Variants in UBE2E1 observed in about 807,000 individuals in gnomAD.
UBE2E1 encodes the protein ubiquitin-conjugating enzyme E2 E1.
A neutral mutation model predicts 21.4 loss-of-function variants in UBE2E1; 6 were observed. That is an observed-to-expected ratio of 0.28 (90% CI 0.15 to 0.55). The LOEUF (loss-of-function observed/expected upper bound fraction) is 0.55, where lower values mean the gene tolerates loss of function less well. Ranked by LOEUF, UBE2E1 falls within the 20% of genes least tolerant of loss-of-function variation. The pLI, the probability that UBE2E1 is intolerant of heterozygous loss-of-function variation, is 0.93. For missense variants in UBE2E1, 142 were observed against 236.5 expected (o/e 0.60, Z 2.62); for synonymous variants, 87 against 82.7 (o/e 1.05, Z -0.28).
chr3:23,859,885 TTTA>T (rs1559487497), intron 3 of UBE2E1, among the ~76,000 whole-genome samples: 1 of 152,206 alleles, frequency 6.6e-6, no homozygotes. Flanking sequence ...TTTTTATTGG[TTTA>T]TTATATTATT....
intron 3 of UBE2E1, among the ~76,000 whole-genome samples, chr3:23,869,351 CTT>C (rs58059005): frequency 9.6e-5 from 11 of 114,594 alleles, no homozygotes; most frequent in African/African-American, 4.2e-4. Flanking sequence ...TTATGGTATC[CTT>C]TTTTTTTTTT....
intron 3 of UBE2E1, among the ~76,000 whole-genome samples, chr3:23,856,907 G>C (rs1451694669): frequency 6.6e-6 from 1 of 151,558 alleles, no homozygotes; most frequent in Non-Finnish European, 1.5e-5. Context: ...GCAAGCTGAG[G>C]CAGGAGGATC....
At chr3:23,868,393 C>A (rs955209476) in intron 3 of UBE2E1, among the ~76,000 whole-genome samples, 1 of 152,066 alleles carries the variant, frequency 6.6e-6, no homozygotes, top group African/African-American at 2.4e-5. Flanking sequence ...ACTGCAACCC[C>A]CACCTCCTGG....
intron 3 of UBE2E1, among the ~76,000 whole-genome samples, chr3:23,873,306 G>A (rs1352408571): frequency 3.9e-5 from 6 of 152,164 alleles, no homozygotes; most frequent in African/African-American, 1.2e-4. Flanking sequence ...TGATGTAAAT[G>A]CTACCTTCAG....
At chr3:23,888,524 G>A (rs1575046395) in intron 4 of UBE2E1, among the ~76,000 whole-genome samples, 1 of 152,150 alleles carries the variant, frequency 6.6e-6, no homozygotes. Flanking sequence ...TGTGGTCCTT[G>A]CCCATTACTG....
At chr3:23,888,406 T>C (rs896984721) in intron 4 of UBE2E1, 7 of 354,204 alleles carry the variant, frequency 2.0e-5, no homozygotes, top group African/African-American at 8.6e-5. Context: ...GTCACTTTTT[T>C]AAAAAATTGG....
At chr3:23,851,872 C>G (rs1011708090) in intron 3 of UBE2E1, among the ~76,000 whole-genome samples, 6 of 152,166 alleles carry the variant, frequency 3.9e-5, no homozygotes, top group African/African-American at 1.4e-4. Context: ...GAAATGTGAT[C>G]CCCAGCATTG....
At chr3:23,818,465 C>T (rs181381077) in intron 3 of UBE2E1, among the ~76,000 whole-genome samples, 445 of 152,312 alleles carry the variant, frequency 2.9e-3, no homozygotes, top group African/African-American at 0.01. Flanking sequence ...ACATGTTCTT[C>T]CCAACTGCTT....
Position 23,870,165 on chromosome 3 carries a change from C to T in UBE2E1, c.204-17402C>T, listed in dbSNP as rs1237292617. Among the ~76,000 whole-genome samples, 1 of 152,110 alleles carries T rather than the reference C, an allele frequency of 6.6e-6. No homozygotes were observed. The highest frequency in any genetic ancestry group is 2.4e-5 in the African/African-American group (1 of 41,414). ...ATTCTCATTCTTGATGTGGTCTCTT[C>T]ACACGGTCTCTGCAGTACTAGGCTT... On this transcript the variant is annotated intron_variant, in intron 3 of 5. Coordinates refer to ENST00000306627, the MANE Select transcript of UBE2E1 (RefSeq NM_003341.5). This position sits in a 1 kb window ranked among gnomAD's most constrained non-coding sequence, Gnocchi z 4.2.
chr3:23,807,120 A>AG, intron 1 of UBE2E1, 117 bp from the exon 2 acceptor site: 3 of 766,140 alleles, frequency 3.9e-6, no homozygotes, highest in Non-Finnish European at 6.0e-6. Flanking sequence ...AAGCGAGTGG[A>AG]GGGCGGTGGG....
Position 23,889,711 on chromosome 3 carries a change from T to G in UBE2E1, c.484+452T>G, listed in dbSNP as rs1488297138. The stretch of plus-strand genomic sequence containing the variant: ...AAAATGGTAGTTGTTAAATACTTAG[T>G]GACTATTGAATTGTGACTTTTTTGG... On this transcript the variant is annotated intron_variant, in intron 5 of 5. Transcript: ENST00000306627. The G allele has an allele frequency of 2.1e-5, 21 of 985,370 alleles. No individual in the cohort carries two copies. In the Admixed American group the frequency reaches 3.7e-4, roughly 17 times the overall value. The allele number at this position is 985,370 out of a possible 1,614,324, so 61.0% of individuals were successfully genotyped here.
At chr3:23,811,258 G>T (rs1363209467) in intron 2 of UBE2E1, among the ~76,000 whole-genome samples, 4 of 152,224 alleles carry the variant, frequency 2.6e-5, no homozygotes, top group Non-Finnish European at 5.9e-5. Flanking sequence ...ATGAGAACAG[G>T]AGATTCCAGG....
chr3:23,819,314 G>A (rs1267357764), intron 3 of UBE2E1, among the ~76,000 whole-genome samples: 2 of 151,468 alleles, frequency 1.3e-5, no homozygotes, highest in Non-Finnish European at 3.0e-5. Flanking sequence ...TAAATAAATT[G>A]CTAGAGAGGC....
chr3:23,848,469 CAA>C (rs36092258), intron 3 of UBE2E1, among the ~76,000 whole-genome samples: 128 of 136,620 alleles, frequency 9.4e-4, no homozygotes, highest in South Asian at 1.8e-3. Flanking sequence ...GACTCTGTCT[CAA>C]AAAAAAAAAA....
In UBE2E1 at chr3:23,876,631, T is replaced by TTTGTTTC. The variant is rs1238931670; in HGVS notation, c.204-10929_204-10923dup. Reference sequence around the variant, plus strand: ...AAATTCAGTTTTGGGTTTTTTGTTTTTTGTTTCTTGTTTTTGTTTTTTGTC... The same window carrying TTTGTTTC: ...AAATTCAGTTTTGGGTTTTTTGTTTTTTGTTTCTTGTTTCTTGTTTTTGTTTTTTGTC... On this transcript the variant is annotated intron_variant, in intron 3 of 5. Transcript: ENST00000306627. The surrounding 1 kb of genome is among the most constrained non-coding windows in gnomAD (Gnocchi z 4.3). Among the ~76,000 whole-genome samples the TTTGTTTC allele has an allele frequency of 1.4e-4, 22 of 152,314 alleles. No individual in the cohort carries two copies. The highest frequency in any genetic ancestry group is 5.1e-4 in the African/African-American group (21 of 41,576).
chr3:23,863,572 G>A lies in UBE2E1; in HGVS notation c.204-23995G>A, dbSNP rs1191422668. ...TGAGACGGAGTTTCGCTCTTGTTGC[G>A]CAGGCTGGAGTGCAGTGGCGCGATC... is the stretch of plus-strand genomic sequence containing the variant. On this transcript the variant is annotated intron_variant, in intron 3 of 5. Transcript: ENST00000306627. This position sits in a 1 kb window ranked among gnomAD's most constrained non-coding sequence, Gnocchi z 4.3. Among the ~76,000 whole-genome samples the A allele has an allele frequency of 2.0e-5, 3 of 151,952 alleles. No individual in the cohort carries two copies. Among genetic ancestry groups the A allele is most frequent in the Admixed American group, 1.3e-4 (2 of 15,250 alleles).
chr3:23,829,606 T>C (rs2125292700), intron 3 of UBE2E1, among the ~76,000 whole-genome samples: 1 of 151,928 alleles, frequency 6.6e-6, no homozygotes, highest in African/African-American at 2.4e-5. Flanking sequence ...TACCTGCCCC[T>C]CTCCTGGAAA....
chr3:23,848,248 C>T (rs1364291256), intron 3 of UBE2E1, among the ~76,000 whole-genome samples: 1 of 152,164 alleles, frequency 6.6e-6, no homozygotes, highest in East Asian at 1.9e-4. Flanking sequence ...GCGGATGGAT[C>T]ACTTGAGGTC....
intron 3 of UBE2E1, among the ~76,000 whole-genome samples, chr3:23,834,448 G>A (rs968328415): frequency 2.0e-5 from 3 of 152,164 alleles, no homozygotes; most frequent in African/African-American, 7.2e-5. Flanking sequence ...AACCTCTGTA[G>A]CATGTCCCAT....
Sources: allele counts gnomAD v4.1 joint callset (sites outside exome capture counted in the v4.1 genomes callset), GRCh38; gene constraint gnomAD v4.1.1; non-coding constraint Gnocchi (gnomAD v3.1); transcripts MANE v1.5; gene names NCBI Gene and HGNC (gene_info 2026-07-23, HGNC 2026-07-21).